Variants in CHD9 observed in about 807,000 individuals in gnomAD.
CHD9 encodes chromodomain helicase DNA binding protein 9, also known as ATP-dependent chromatin remodeler CHD9.
Under a neutral mutation model 316.1 loss-of-function variants are expected in CHD9, and 77 were observed. The observed-to-expected ratio is 0.24, with a 90% CI of 0.20 to 0.29. The LOEUF is 0.29. Among genes scored for constraint, CHD9 ranks in the 10% least tolerant of loss-of-function variants. CHD9 has a pLI of 1.00. For synonymous variants in CHD9, 1,129 were observed against 1,158.3 expected, an observed-to-expected ratio of 0.97 and a Z score of 0.51; for missense variants, 2,763 against 3,438.1, an observed-to-expected ratio of 0.80 and a Z score of 4.91.
chr16:53,204,836 T>C (rs73597651), intron 2 of CHD9, among the ~76,000 whole-genome samples: 5,124 of 152,214 alleles, frequency 0.034, 292 homozygotes, highest in African/African-American at 0.12. Context: ...TTTTTTTGTT[T>C]ATATGTTTGT....
chr16:53,199,299 A>G (rs184476116), intron 2 of CHD9, among the ~76,000 whole-genome samples: 24 of 152,276 alleles, frequency 1.6e-4, no homozygotes, highest in African/African-American at 5.1e-4. Flanking sequence ...TAACAACTCT[A>G]TATCTTAATA....
chr16:53,289,842 A>G (rs1205295622), intron 27 of CHD9, among the ~76,000 whole-genome samples: 5 of 152,170 alleles, frequency 3.3e-5, no homozygotes, highest in Non-Finnish European at 7.4e-5. Flanking sequence ...CTACCCGTTG[A>G]AACTGGCTGT....
At chr16:53,218,818 C>A (rs898252627) in intron 3 of CHD9, among the ~76,000 whole-genome samples, 2 of 152,044 alleles carry the variant, frequency 1.3e-5, no homozygotes, top group African/African-American at 4.8e-5. Flanking sequence ...CTACACTCTC[C>A]GTGTGTTGTT....
At chr16:53,214,983 G>A (rs1375107681) in intron 3 of CHD9, among the ~76,000 whole-genome samples, 2 of 149,074 alleles carry the variant, frequency 1.3e-5, no homozygotes, top group Non-Finnish European at 3.0e-5. Flanking sequence ...GCACATCTCC[G>A]CTCACTGCAA....
At chr16:53,234,036 T>C (rs942371207) in intron 10 of CHD9, among the ~76,000 whole-genome samples, 1 of 152,176 alleles carries the variant, frequency 6.6e-6, no homozygotes, top group African/African-American at 2.4e-5. Flanking sequence ...TGAATAAAAT[T>C]CTTTTACATA....
intron 2 of CHD9, among the ~76,000 whole-genome samples, chr16:53,203,606 G>A (rs1190801361): frequency 1.3e-5 from 2 of 152,162 alleles, no homozygotes; most frequent in Non-Finnish European, 2.9e-5. Context: ...TCTCTCTTGA[G>A]AAAGGTTGGG....
In CHD9 at chr16:53,156,689, G is replaced by A; in HGVS notation, c.600G>A (p.Met200Ile). ...CTCTTAGCCAGTCTAAAAATTTTATGAATGTTTCTGGTCCACATAGAGTCA... is the reference window on the plus strand; with the variant it reads ...CTCTTAGCCAGTCTAAAAATTTTATAAATGTTTCTGGTCCACATAGAGTCA... ...QNSLSQSKNF[M>I]NVSGPHRVNV... Residue 200 changes from methionine to isoleucine, a missense_variant, in exon 2 of 39, where the codon ATG (methionine) becomes ATA (isoleucine). Met to Ile is a conservative substitution (Grantham distance 10, BLOSUM62 1). Coordinates refer to ENST00000447540, the MANE Select transcript of CHD9 (RefSeq NM_001308319.2). 1.2e-6 allele frequency: 2 copies of A among 1,613,942 alleles called. No individual in the cohort carries two copies. The highest frequency in any genetic ancestry group is 1.7e-6 in the Non-Finnish European group (2 of 1,179,876).
chr16:53,260,766 C>T (rs967681098), intron 19 of CHD9, among the ~76,000 whole-genome samples: 17 of 152,068 alleles, frequency 1.1e-4, no homozygotes, highest in African/African-American at 3.4e-4. Context: ...CCTTGGCTTG[C>T]GGCCACAGTA....
chr16:53,261,355 T>C (rs1228754737), intron 19 of CHD9, among the ~76,000 whole-genome samples: 2 of 143,414 alleles, frequency 1.4e-5, no homozygotes, highest in Non-Finnish European at 3.1e-5. Context: ...TTTGGTGTTT[T>C]AGACTTTTTT....
chr16:53,144,091 T>C (rs2040368748), intron 1 of CHD9, among the ~76,000 whole-genome samples: 1 of 152,218 alleles, frequency 6.6e-6, no homozygotes, highest in South Asian at 2.1e-4. Flanking sequence ...TTTTTCTTTT[T>C]AGATATGGAG....
At chr16:53,246,613 G>T (rs547346613) in intron 15 of CHD9, among the ~76,000 whole-genome samples, 1 of 152,130 alleles carries the variant, frequency 6.6e-6, no homozygotes, top group Admixed American at 6.5e-5. Context: ...TCAAGCTCCT[G>T]GAAACTGACC....
In CHD9 at chr16:53,221,148, T is replaced by G. The variant is rs80075270; in HGVS notation, c.1785-1496T>G. Among the ~76,000 whole-genome samples the G allele has an allele frequency of 3.6e-3, 551 of 152,312 alleles. 2 individuals carry two copies. The highest frequency in any genetic ancestry group is 0.012 in the African/African-American group (514 of 41,568). ...AATAATTAGAAGTTGTTAGCATTAG[T>G]TGAGAAATCACTATGCATCAAGACT... On this transcript the variant is annotated intron_variant, in intron 3 of 38. Transcript: ENST00000447540.
chr16:53,214,794 C>T (rs1310115278), intron 3 of CHD9, among the ~76,000 whole-genome samples: 1 of 152,038 alleles, frequency 6.6e-6, no homozygotes, highest in East Asian at 1.9e-4. Flanking sequence ...GATTATAAAA[C>T]AGACACACCA....
chr16:53,073,448 GTACAAATA>G (rs2034271686), intron 1 of CHD9, among the ~76,000 whole-genome samples: 1 of 152,182 alleles, frequency 6.6e-6, no homozygotes, highest in Non-Finnish European at 1.5e-5. Context: ...GAATGTGAAT[GTACAAATA>G]TCTCTTTGAG....
intron 22 of CHD9, among the ~76,000 whole-genome samples, chr16:53,270,435 A>G (rs2052137867): frequency 6.6e-6 from 1 of 152,194 alleles, no homozygotes; most frequent in Non-Finnish European, 1.5e-5. Flanking sequence ...CTTTATCACT[A>G]AATAGATACC....
chr16:53,100,594 G>T (rs1272213997), intron 1 of CHD9, among the ~76,000 whole-genome samples: 1 of 152,044 alleles, frequency 6.6e-6, no homozygotes, highest in Non-Finnish European at 1.5e-5. Context: ...AAGTAGTTGG[G>T]ACTACAGGCA....
At chr16:53,284,295 TA>T (rs774092950) in intron 24 of CHD9, among the ~76,000 whole-genome samples, 2 of 152,098 alleles carry the variant, frequency 1.3e-5, no homozygotes, top group Non-Finnish European at 2.9e-5. Flanking sequence ...CTTTTTGTAG[TA>T]ATTTATCCTG....
At chr16:53,320,709 A>C (rs927920255) in intron 37 of CHD9, among the ~76,000 whole-genome samples, 3 of 152,316 alleles carry the variant, frequency 2.0e-5, no homozygotes, top group Admixed American at 6.5e-5. Context: ...TAATGTTTTT[A>C]ATTTAAATTT....
chr16:53,274,769 T>C (rs1359485653), intron 24 of CHD9, among the ~76,000 whole-genome samples: 1 of 151,998 alleles, frequency 6.6e-6, no homozygotes, highest in Non-Finnish European at 1.5e-5. Flanking sequence ...CCTATTTTTA[T>C]TTTTCAATAA....
Sources: allele counts gnomAD v4.1 joint callset (sites outside exome capture counted in the v4.1 genomes callset), GRCh38; gene constraint gnomAD v4.1.1; transcripts MANE v1.5; gene names NCBI Gene and HGNC (gene_info 2026-07-23, HGNC 2026-07-21).